The following ANO2 variants were observed in gnomAD, a reference collection of about 807,000 sequenced individuals.
ANO2 encodes anoctamin-2.
In ANO2, 101 loss-of-function variants were observed where a neutral mutation model predicts 124.2. That is an observed-to-expected ratio of 0.81 (90% CI 0.69 to 0.96). The LOEUF (loss-of-function observed/expected upper bound fraction) is 0.96. ANO2 is among the 40% of genes least tolerant of loss of function. The probability of loss-of-function intolerance (pLI) is 0.00; values close to 1 mark genes in which losing one functional copy is unlikely to be tolerated. For missense variants in ANO2, 1,293 were observed against 1,274.5 expected (o/e 1.01, Z -0.22); for synonymous variants, 486 against 482.5 (o/e 1.01, Z -0.09).
chr12:5,718,116 C>T (rs80136602), intron 14 of ANO2, among the ~76,000 whole-genome samples: 1,679 of 152,342 alleles, frequency 0.011, 13 homozygotes, highest in Middle Eastern at 0.024. Flanking sequence ...AAAAAGCCAA[C>T]ATGTCTAAAT....
rs1372340907 is a variant in ANO2 at position 5,900,203 on chromosome 12, AGCCCTGAGAGGATGGAGAGGCACCACTAT to A, written c.534+20808_534+20836del. 5.3e-5 allele frequency among the ~76,000 whole-genome samples: 8 copies of A among 152,150 alleles called. No individual in the cohort carries two copies. The highest frequency in any genetic ancestry group is 1.9e-4 in the African/African-American group (8 of 41,440). On this transcript the variant is annotated intron_variant, in intron 3 of 24. Coordinates refer to ENST00000682330, the MANE Select transcript of ANO2 (RefSeq NM_001364791.2). The surrounding 1 kb of genome is among the most constrained non-coding windows in gnomAD (Gnocchi z 4.2). ...TTCAATGTAATCACGGACAACCAAG[AGCCCTGAGAGGATGGAGAGGCACCACTAT>A]GCCCAGCTTCATCTTCTAGCTCTGG...
chr12:5,563,499 G>A lies in ANO2; in HGVS notation c.2797C>T (p.Gln933Ter). 6.2e-7 allele frequency: 1 copy of A among 1,613,950 alleles called. No homozygotes were observed. The stretch of plus-strand genomic sequence containing the variant: ...AATAAGCTCTTCTCTTTCTTGATCT[G>A]GTCGCTGATGTCCGTGGGGATGTCT... ...IPDIPTDISD[Q>*]IKKEKSLLVD... Residue 933 changes from glutamine (Q) to a stop codon, truncating the protein, a stop_gained, in exon 25 of 25, where the codon CAG (glutamine) becomes TAG (stop). Transcript: ENST00000682330. LOFTEE classifies it high-confidence loss of function.
At chr12:5,766,266 C>T (rs901254970) in intron 10 of ANO2, among the ~76,000 whole-genome samples, 3 of 152,132 alleles carry the variant, frequency 2.0e-5, no homozygotes, top group African/African-American at 7.2e-5. Context: ...TTCAGAGCAA[C>T]ACTATTTATA....
chr12:5,593,318 T>C (rs1255603471), intron 20 of ANO2, among the ~76,000 whole-genome samples: 3 of 152,184 alleles, frequency 2.0e-5, no homozygotes, highest in Non-Finnish European at 4.4e-5. Context: ...AGGATTATAA[T>C]AGCGATTATT....
At chr12:5,797,837 G>A (rs186218273) in intron 10 of ANO2, among the ~76,000 whole-genome samples, 39 of 152,218 alleles carry the variant, frequency 2.6e-4, no homozygotes, top group African/African-American at 8.2e-4. Flanking sequence ...CCAGTACACC[G>A]TGCCCTGTCT....
intron 13 of ANO2, among the ~76,000 whole-genome samples, chr12:5,735,100 T>A: frequency 6.6e-6 from 1 of 152,172 alleles, no homozygotes; most frequent in Non-Finnish European, 1.5e-5. Flanking sequence ...GGTGAGGTTA[T>A]GGAATCCCTC....
intron 7 of ANO2, among the ~76,000 whole-genome samples, chr12:5,821,668 C>T (rs1173545035): frequency 2.0e-5 from 3 of 152,224 alleles, no homozygotes. Flanking sequence ...AGAGACAGCT[C>T]TTGGCCTGTT....
intron 10 of ANO2, among the ~76,000 whole-genome samples, chr12:5,794,850 T>A (rs920094406): frequency 6.6e-6 from 1 of 152,092 alleles, no homozygotes; most frequent in Non-Finnish European, 1.5e-5. Context: ...CAAAGAAAAA[T>A]CAAGGAGAAA....
intron 14 of ANO2, among the ~76,000 whole-genome samples, chr12:5,666,987 GA>G (rs958185403): frequency 3.9e-5 from 6 of 152,198 alleles, no homozygotes; most frequent in African/African-American, 1.4e-4. Context: ...AAAAACTCTG[GA>G]CACAAGGCTT....
At chr12:5,796,666 T>C (rs576762751) in intron 10 of ANO2, among the ~76,000 whole-genome samples, 5 of 152,302 alleles carry the variant, frequency 3.3e-5, no homozygotes, top group Admixed American at 3.3e-4. Context: ...AGTCTCACAG[T>C]GCAGCCTGCT....
intron 9 of ANO2, among the ~76,000 whole-genome samples, chr12:5,801,277 C>T (rs77598050): frequency 0.022 from 3,422 of 152,278 alleles, 122 homozygotes; most frequent in African/African-American, 0.077. Context: ...ACCTGTGTAT[C>T]AATCCCAGTA....
intron 3 of ANO2, chr12:5,856,776 G>T (rs1955111877): frequency 6.6e-6 from 1 of 152,316 alleles, no homozygotes; most frequent in Middle Eastern, 3.4e-3. Context: ...GTGAAAGATA[G>T]AATTCTACCT....
At chr12:5,670,613 C>T (rs1947950659) in intron 14 of ANO2, among the ~76,000 whole-genome samples, 1 of 152,170 alleles carries the variant, frequency 6.6e-6, no homozygotes, top group Non-Finnish European at 1.5e-5. Context: ...TAGCTCACTG[C>T]AGCCTTGAAC....
chr12:5,662,915 A>G (rs928348937), intron 14 of ANO2, among the ~76,000 whole-genome samples: 3 of 152,192 alleles, frequency 2.0e-5, no homozygotes, highest in Non-Finnish European at 4.4e-5. Context: ...ACCTGGGAAC[A>G]CCCTGAGAGA....
intron 7 of ANO2, among the ~76,000 whole-genome samples, chr12:5,808,206 G>A (rs547791196): frequency 6.6e-6 from 1 of 152,298 alleles, no homozygotes; most frequent in African/African-American, 2.4e-5. Context: ...CTATACAAGG[G>A]ATTTATGTTT....
intron 14 of ANO2, among the ~76,000 whole-genome samples, chr12:5,650,891 T>C (rs2136959807): frequency 6.6e-6 from 1 of 152,332 alleles, no homozygotes; most frequent in African/African-American, 2.4e-5. Flanking sequence ...TTGCCATGCA[T>C]TTAAAATTAC....
chr12:5,703,457 T>C (rs188134245), intron 14 of ANO2, among the ~76,000 whole-genome samples: 2 of 152,228 alleles, frequency 1.3e-5, no homozygotes, highest in Non-Finnish European at 2.9e-5. Flanking sequence ...TTTTTCTTTA[T>C]AAATGATCTG....
chr12:5,686,815 T>G lies in ANO2; in HGVS notation c.1546-39014A>C, dbSNP rs77367451. Among the ~76,000 whole-genome samples, 252 of 152,336 alleles carry G rather than the reference T, an allele frequency of 1.7e-3. 1 individual carries two copies. Among genetic ancestry groups the G allele is most frequent in the African/African-American group, 5.7e-3 (239 of 41,584 alleles). ...ACACCAGTTCCATCAATGCCCTTAGTTCCTTCCTCACACAGACAATGGAAA... is the reference window on the plus strand; with the variant it reads ...ACACCAGTTCCATCAATGCCCTTAGGTCCTTCCTCACACAGACAATGGAAA... On this transcript the variant is annotated intron_variant, in intron 14 of 24. Coordinates refer to ENST00000682330, the MANE Select transcript of ANO2 (RefSeq NM_001364791.2).
chr12:5,731,747 G>T (rs1366296426), intron 14 of ANO2, among the ~76,000 whole-genome samples: 2 of 152,042 alleles, frequency 1.3e-5, no homozygotes, highest in Non-Finnish European at 2.9e-5. Flanking sequence ...TTTAATGACT[G>T]CATGCCACCA....
Sources: gnomAD v4.1 joint callset for allele counts (sites outside exome capture counted in the v4.1 genomes callset) on GRCh38, gnomAD v4.1.1 for gene constraint, Gnocchi (gnomAD v3.1) non-coding constraint, MANE v1.5 for transcripts, NCBI Gene and HGNC (gene_info 2026-07-23, HGNC 2026-07-21) for gene names.